The following SERBP1 variants were observed in gnomAD, a reference collection of about 807,000 sequenced individuals.
SERBP1 encodes the protein SERPINE1 mRNA binding protein 1.
In SERBP1, 6 loss-of-function variants were observed where a neutral mutation model predicts 50.2. That is an observed-to-expected ratio of 0.12 (90% CI 0.07 to 0.24). The LOEUF (loss-of-function observed/expected upper bound fraction) is 0.24, where lower values mean the gene tolerates loss of function less well. SERBP1 is among the 10% of genes least tolerant of loss of function. The probability of loss-of-function intolerance (pLI) is 1.00; values close to 1 mark genes in which losing one functional copy is unlikely to be tolerated. For synonymous variants in SERBP1, 168 were observed against 182.8 expected, an observed-to-expected ratio of 0.92 and a Z score of 0.65; for missense variants, 346 against 524.9, an observed-to-expected ratio of 0.66 and a Z score of 3.33.
intron 4 of SERBP1, among the ~76,000 whole-genome samples, chr1:67,424,680 A>G (rs1279780561): frequency 1.1e-4 from 6 of 53,712 alleles, no homozygotes; most frequent in Admixed American, 4.3e-4. Flanking sequence ...ATGGGGGGGA[A>G]AAAATGAGTA....
chr1:67,409,452 T>C lies in SERBP1; in HGVS notation c.*3755A>G, dbSNP rs1054399431. On this transcript the variant is annotated 3_prime_UTR_variant, in exon 8 of 8. Transcript: ENST00000361219. ...ACACACCAGGTCACAGGCTGAACTT[T>C]GCTGACCCCTGGCTTACATACAGCA... 2.0e-5 allele frequency: 3 copies of C among 149,472 alleles called. No individual in the cohort carries two copies. The highest frequency in any genetic ancestry group is 7.4e-5 in the African/African-American group (3 of 40,358). 9.3% of individuals were successfully genotyped at this position (149,472 alleles called of 1,614,324 possible). A position where few individuals can be genotyped will look rare whatever the true frequency, so the allele number is the denominator to read the frequency against.
At chr1:67,417,971 GTTTTTTTTTTT>G (rs397861816) in intron 6 of SERBP1, among the ~76,000 whole-genome samples, 6 of 76,800 alleles carry the variant, frequency 7.8e-5, no homozygotes, top group African/African-American at 1.1e-4. Flanking sequence ...TTAAAGTGTT[GTTTTTTTTTTT>G]TTTTTTTTTT....
At chr1:67,422,193 T>G (rs1346032064) in intron 5 of SERBP1, among the ~76,000 whole-genome samples, 1 of 152,138 alleles carries the variant, frequency 6.6e-6, no homozygotes, top group Non-Finnish European at 1.5e-5. Flanking sequence ...TTAACAGTGC[T>G]CACCATAAGA....
Position 67,415,151 on chromosome 1 carries a change from A to G in SERBP1, c.1125+15T>C, listed in dbSNP as rs1200836643. On this transcript the variant is annotated intron_variant, in intron 7 of 7. Transcript: ENST00000361219. ...TCCTTAAATTATGTAAAAGGAAAAG[A>G]AAGTCTTAAATTACCTTGTCGGTCC... is the stretch of plus-strand genomic sequence containing the variant. The G allele has an allele frequency of 6.4e-7, 1 of 1,557,630 alleles. No homozygotes were observed. Among genetic ancestry groups the G allele is most frequent in the East Asian group, 2.3e-5 (1 of 43,624 alleles).
At chr1:67,413,377 A>G (rs1666900827) in intron 7 of SERBP1, 114 bp from the exon 8 acceptor site, 2 of 943,494 alleles carry the variant, frequency 2.1e-6, no homozygotes, top group East Asian at 3.1e-5. Flanking sequence ...GGCCAGGCAC[A>G]GTGGCTCACA....
intron 7 of SERBP1, among the ~76,000 whole-genome samples, chr1:67,414,525 C>CCA (rs1422574250): frequency 6.6e-6 from 1 of 152,186 alleles, no homozygotes; most frequent in East Asian, 1.9e-4. Context: ...ATGGTTGTTT[C>CCA]CAAGCATCAG....
chr1:67,408,761 G>C lies in SERBP1; in HGVS notation c.*4446C>G, dbSNP rs532297548. On this transcript the variant is annotated 3_prime_UTR_variant, in exon 8 of 8. Coordinates refer to ENST00000361219, the MANE Select transcript of SERBP1 (RefSeq NM_001018069.2). ...ATACTAATCATGGTATTTTTTAACAGATTATACACCCCTTAACAGCTTTCA... is the reference window on the plus strand; with the variant it reads ...ATACTAATCATGGTATTTTTTAACACATTATACACCCCTTAACAGCTTTCA... 1.3e-5 allele frequency: 2 copies of C among 152,076 alleles called. No homozygotes were observed. The highest frequency in any genetic ancestry group is 1.3e-4 in the Admixed American group (2 of 15,278). 9.4% of individuals were successfully genotyped at this position (152,076 alleles called of 1,614,324 possible). A position where few individuals can be genotyped will look rare whatever the true frequency, so the allele number is the denominator to read the frequency against.
chr1:67,421,831 G>A (rs930307612), intron 5 of SERBP1, among the ~76,000 whole-genome samples: 3 of 152,124 alleles, frequency 2.0e-5, no homozygotes, highest in Admixed American at 6.5e-5. Context: ...GAGCATGCCT[G>A]TAGTCCCAGT....
At chr1:67,413,335 T>C (rs1666899360) in intron 7 of SERBP1, 72 bp from the exon 8 acceptor site, 1 of 1,327,194 alleles carries the variant, frequency 7.5e-7, no homozygotes, top group South Asian at 1.4e-5. Context: ...AGTGTCTACA[T>C]TAAGACAGAA....
intron 5 of SERBP1, 171 bp from the exon 6 acceptor site, chr1:67,420,357 C>T: frequency 1.8e-6 from 1 of 548,470 alleles, no homozygotes; most frequent in Non-Finnish European, 3.2e-6. Context: ...TGGTAGAGAC[C>T]AGGAATTCAG....
In SERBP1 at chr1:67,409,696, T is replaced by C. The variant is rs1363619579; in HGVS notation, c.*3511A>G. 3.9e-5 allele frequency: 6 copies of C among 152,168 alleles called. No homozygotes were observed. Among genetic ancestry groups the C allele is most frequent in the African/African-American group, 1.4e-4 (6 of 41,430 alleles). 9.4% of individuals were successfully genotyped at this position (152,168 alleles called of 1,614,324 possible). On this transcript the variant is annotated 3_prime_UTR_variant, in exon 8 of 8. Transcript: ENST00000361219. Reference sequence around the variant, plus strand: ...TAACCTCCAAATTTGAACTTAAAAGTCAAGGAAGATGAAGAGGTAATCCCA... The same window carrying C: ...TAACCTCCAAATTTGAACTTAAAAGCCAAGGAAGATGAAGAGGTAATCCCA...
At chr1:67,417,971 G>GT (rs397861816) in intron 6 of SERBP1, among the ~76,000 whole-genome samples, 36,240 of 76,948 alleles carry the variant, frequency 0.47, 9,656 homozygotes, top group Non-Finnish European at 0.53. Flanking sequence ...TTAAAGTGTT[G>GT]TTTTTTTTTT....
rs753560183 is a variant in SERBP1 at position 67,424,291 on chromosome 1, A to G, written c.696-14T>C. On this transcript the variant is annotated splice_polypyrimidine_tract_variant and intron_variant, in intron 4 of 7. Coordinates refer to ENST00000361219, the MANE Select transcript of SERBP1 (RefSeq NM_001018069.2). ...TGATCCAAGTCACTGTAATTATAAG[A>G]TATTTGTTTCTGAATGTATTTGGGG... 1.2e-6 allele frequency: 2 copies of G among 1,610,038 alleles called. No homozygotes were observed. Among genetic ancestry groups the G allele is most frequent in the Non-Finnish European group, 1.7e-6 (2 of 1,178,288 alleles).
intron 5 of SERBP1, among the ~76,000 whole-genome samples, chr1:67,421,084 T>A (rs1447426222): frequency 1.3e-5 from 2 of 152,112 alleles, no homozygotes; most frequent in Non-Finnish European, 2.9e-5. Context: ...TGCCCTTTAC[T>A]GTTTGACAAA....
intron 5 of SERBP1, among the ~76,000 whole-genome samples, chr1:67,420,772 C>A (rs1386028148): frequency 6.6e-6 from 1 of 152,202 alleles, no homozygotes; most frequent in Non-Finnish European, 1.5e-5. Flanking sequence ...TCAAACCAAC[C>A]TGTATATGGA....
At chr1:67,419,677 C>T (rs1206084814) in intron 6 of SERBP1, 1 of 271,710 alleles carries the variant, frequency 3.7e-6, no homozygotes, top group Non-Finnish European at 7.0e-6. Flanking sequence ...TAATGATCCC[C>T]AGTTTGGCAA....
intron 5 of SERBP1, among the ~76,000 whole-genome samples, chr1:67,421,787 C>G (rs1667205243): frequency 6.6e-6 from 1 of 152,092 alleles, no homozygotes; most frequent in South Asian, 2.1e-4. Flanking sequence ...AACCATGTCT[C>G]TACTGAAAAT....
At chr1:67,429,144 C>T (rs541333166) in intron 1 of SERBP1, among the ~76,000 whole-genome samples, 7 of 152,268 alleles carry the variant, frequency 4.6e-5, no homozygotes, top group African/African-American at 1.4e-4. Flanking sequence ...CTAAAGAGCT[C>T]TGCTGCGACT....
intron 6 of SERBP1, among the ~76,000 whole-genome samples, chr1:67,416,964 A>C (rs1667030349): frequency 6.6e-6 from 1 of 152,214 alleles, no homozygotes; most frequent in Admixed American, 6.5e-5. Context: ...AACCAACCAT[A>C]TAACAATAAA....
Sources: gnomAD v4.1 joint callset for allele counts (sites outside exome capture counted in the v4.1 genomes callset) on GRCh38, gnomAD v4.1.1 for gene constraint, MANE v1.5 for transcripts, NCBI Gene and HGNC (gene_info 2026-07-23, HGNC 2026-07-21) for gene names.